Variants in UNC80 observed in about 807,000 individuals in gnomAD.
UNC80 encodes unc-80 subunit of NALCN channel complex.
In UNC80, 164 loss-of-function variants were observed where a neutral mutation model predicts 384.6. The ratio of observed to expected loss-of-function variants is 0.43; its 90% CI spans 0.38 to 0.49. The LOEUF (loss-of-function observed/expected upper bound fraction) is 0.49. UNC80 is among the 20% of genes least tolerant of loss of function. The probability of loss-of-function intolerance (pLI) is 0.00; values close to 1 mark genes in which losing one functional copy is unlikely to be tolerated. For synonymous variants in UNC80, 1,486 were observed against 1,527.8 expected (o/e 0.97, Z 0.64); for missense variants, 3,330 against 4,143.0 (o/e 0.80, Z 5.39).
intron 30 of UNC80, 100 bp downstream of exon 30, chr2:209,912,767 T>C: frequency 1.3e-6 from 1 of 789,340 alleles, no homozygotes; most frequent in Non-Finnish European, 2.0e-6. Flanking sequence ...CATCAGTTGG[T>C]ACAGTGTTGG....
At chr2:209,859,095 A>G (rs1397370118) in intron 22 of UNC80, among the ~76,000 whole-genome samples, 1 of 152,190 alleles carries the variant, frequency 6.6e-6, no homozygotes, top group East Asian at 1.9e-4. Context: ...AGAAGGATAC[A>G]TGTGCAGAAT....
At chr2:209,865,030 C>T (rs915402250) in intron 22 of UNC80, among the ~76,000 whole-genome samples, 1 of 152,200 alleles carries the variant, frequency 6.6e-6, no homozygotes, top group Non-Finnish European at 1.5e-5. Context: ...GTTAAAAGCA[C>T]GGCTTCTCTG....
At chr2:209,777,637 T>G in intron 4 of UNC80, 78 bp downstream of exon 4, 2 of 1,462,006 alleles carry the variant, frequency 1.4e-6, no homozygotes, top group Non-Finnish European at 1.8e-6. Context: ...TTTCCATATT[T>G]GGTTGGGCAT....
chr2:209,847,586 C>G (rs777880559), intron 21 of UNC80, among the ~76,000 whole-genome samples: 1 of 151,916 alleles, frequency 6.6e-6, no homozygotes, highest in Non-Finnish European at 1.5e-5. Context: ...TGACTTCTCT[C>G]TTCATTATTT....
At chr2:209,869,438 A>T (rs1488026928) in intron 22 of UNC80, among the ~76,000 whole-genome samples, 1 of 152,144 alleles carries the variant, frequency 6.6e-6, no homozygotes, top group African/African-American at 2.4e-5. Flanking sequence ...AACTCAGCAA[A>T]CTTAATTAGC....
At chr2:209,912,732 A>C (rs974344346) in intron 30 of UNC80, 65 bp downstream of exon 30, 23 of 1,134,310 alleles carry the variant, frequency 2.0e-5, no homozygotes, top group Middle Eastern at 4.3e-4. Context: ...CAGACAGCCT[A>C]TTTACTAATG....
At chr2:209,833,276 C>CAAAAAAAAA (rs554565630) in intron 16 of UNC80, among the ~76,000 whole-genome samples, 2 of 97,376 alleles carry the variant, frequency 2.1e-5, no homozygotes, top group African/African-American at 7.2e-5. Context: ...TTTCCTAAGG[C>CAAAAAAAAA]AAAAAAAAAA....
At chr2:209,859,859 C>T (rs2083223633) in intron 22 of UNC80, among the ~76,000 whole-genome samples, 1 of 152,116 alleles carries the variant, frequency 6.6e-6, no homozygotes, top group Non-Finnish European at 1.5e-5. Context: ...ATCCTTTTCT[C>T]ACTTTTTGAT....
Position 209,786,047 on chromosome 2 carries a change from A to G in UNC80, c.601-19A>G, listed in dbSNP as rs376492524. ...GTTACATGTCAGTTATTGGACATAT[A>G]TCTTCTCCTCCCCCCTAGGAATCTG... On this transcript the variant is annotated intron_variant, in intron 4 of 64. Coordinates refer to ENST00000673920, the MANE Select transcript of UNC80 (RefSeq NM_001371986.1). 9.9e-6 allele frequency: 16 copies of G among 1,611,740 alleles called. No individual in the cohort carries two copies. The highest frequency in any genetic ancestry group is 1.4e-5 in the Non-Finnish European group (16 of 1,178,838).
rs1433542250 is a variant in UNC80, at chr2:209,813,759, C to T, written c.1118C>T (p.Pro373Leu). 1.9e-6 allele frequency: 3 copies of T among 1,551,832 alleles called. No homozygotes were observed. In the East Asian group the frequency reaches 7.3e-5, roughly 38 times the overall value. The change falls in exon 8 of 65, where the codon CCA becomes CTA. Residue 373 changes from proline to leucine, a missense_variant. Pro to Leu is a moderately conservative substitution (Grantham distance 98). Around this residue, in one of 8 missense-constraint regions of UNC80, gnomAD observed 937 missense variants for 1,026.8 expected, o/e 0.91. Transcript: ENST00000673920. ...LEEKPEKPPE[P>L]DIPLLPRPRS... The stretch of plus-strand genomic sequence containing the variant: ...GAGAAGCCAGAAAAGCCTCCGGAGC[C>T]AGATATTCCTCTCCTGCCCAGACCC...
intron 7 of UNC80, chr2:209,809,474 A>G: frequency 5.0e-6 from 7 of 1,402,508 alleles, no homozygotes; most frequent in Non-Finnish European, 7.1e-6. Context: ...CTCCAGACCC[A>G]CTTGGACGTC....
In UNC80 at chr2:209,834,042, A is replaced by G. The variant is rs1047456240; in HGVS notation, c.2816A>G (p.Lys939Arg). The G allele has an allele frequency of 4.5e-6, 7 of 1,551,640 alleles. No individual in the cohort carries two copies. In the East Asian group the frequency reaches 1.7e-4, roughly 38 times the overall value. Residue 939 changes from lysine to arginine, a missense_variant, in exon 17 of 65, where the codon AAA becomes AGA. Lys to Arg is a conservative substitution (Grantham distance 26, BLOSUM62 2). Transcript: ENST00000673920. ...ATTCGTCAGCTGGTCCAGTTTATCA[A>G]AGAGGCTCATGGGAATGTCTTCAGG... ...CDIRQLVQFI[K>R]EAHGNVFRRV...
intron 47 of UNC80, among the ~76,000 whole-genome samples, chr2:209,946,250 T>C (rs1462809849): frequency 5.3e-5 from 8 of 151,744 alleles, no homozygotes; most frequent in Non-Finnish European, 1.5e-5. Context: ...ACACCTGTAG[T>C]CCCAACTTTT....
At chr2:209,881,505 A>C (rs1476233354) in intron 25 of UNC80, among the ~76,000 whole-genome samples, 1 of 152,156 alleles carries the variant, frequency 6.6e-6, no homozygotes, top group Non-Finnish European at 1.5e-5. Flanking sequence ...GTTCTCTTTC[A>C]AATTATGGTT....
At chr2:209,964,137 C>T (rs1304761915) in intron 51 of UNC80, among the ~76,000 whole-genome samples, 2 of 152,190 alleles carry the variant, frequency 1.3e-5, no homozygotes, top group Non-Finnish European at 2.9e-5. Context: ...CTTCAGTTCT[C>T]TTGGAGTAAT....
At chr2:209,860,133 G>A (rs2083244275) in intron 22 of UNC80, among the ~76,000 whole-genome samples, 1 of 152,086 alleles carries the variant, frequency 6.6e-6, no homozygotes, top group Non-Finnish European at 1.5e-5. Flanking sequence ...GTATTGCCTA[G>A]GTTTTCTTCT....
chr2:209,943,348 G>T, intron 44 of UNC80, 32 bp from the exon 45 acceptor site: 1 of 1,550,114 alleles, frequency 6.5e-7, no homozygotes, highest in Non-Finnish European at 8.7e-7. Flanking sequence ...CTTCATTAAG[G>T]CATTTTTTGA....
intron 63 of UNC80, 100 bp from the exon 64 acceptor site, chr2:209,993,964 TA>T (rs1169463727): frequency 4.8e-5 from 51 of 1,068,272 alleles, no homozygotes; most frequent in Middle Eastern, 2.9e-4. Context: ...GTTTTTATTT[TA>T]AAAAATCCCC....
At chr2:209,847,909 GA>G in intron 21 of UNC80, among the ~76,000 whole-genome samples, 1 of 151,736 alleles carries the variant, frequency 6.6e-6, no homozygotes, top group East Asian at 1.9e-4. Context: ...AAAACAACTG[GA>G]TTCACAAAAA....
Sources: allele counts gnomAD v4.1 joint callset (sites outside exome capture counted in the v4.1 genomes callset), GRCh38; gene constraint gnomAD v4.1.1; regional missense constraint gnomAD v4.1.1; transcripts MANE v1.5; gene names NCBI Gene and HGNC (gene_info 2026-07-23, HGNC 2026-07-21).